RGS22: variants seen among roughly 807,000 people sequenced by gnomAD.
The protein encoded by RGS22 is regulator of G protein signaling 22.
A neutral mutation model predicts 172.9 loss-of-function variants in RGS22; 148 were observed. The observed-to-expected ratio is 0.86, with a 90% CI of 0.75 to 0.98. The LOEUF (loss-of-function observed/expected upper bound fraction) is 0.98. Among genes scored for constraint, RGS22 ranks in the 50% least tolerant of loss-of-function variants. RGS22 has a pLI of 0.00. For synonymous variants in RGS22, 458 were observed against 480.2 expected (o/e 0.95, Z 0.60); for missense variants, 1,347 against 1,440.8 (o/e 0.93, Z 1.05).
At chr8:100,094,339 GACACAATGCTAT>G (rs1812803209) in intron 2 of RGS22, among the ~76,000 whole-genome samples, 1 of 108,794 alleles carries the variant, frequency 9.2e-6, no homozygotes, top group East Asian at 2.7e-4. Flanking sequence ...TTCACAATAT[GACACAATGCTAT>G]TATTTCCATA....
intron 9 of RGS22, among the ~76,000 whole-genome samples, chr8:100,053,471 A>C (rs1425728685): frequency 1.8e-5 from 2 of 111,930 alleles, no homozygotes; most frequent in South Asian, 3.2e-4. Flanking sequence ...AGAGGGAGGG[A>C]GGGAGGGAGG....
chr8:100,025,244 T>C (rs967088344), intron 14 of RGS22, among the ~76,000 whole-genome samples: 2 of 152,192 alleles, frequency 1.3e-5, no homozygotes, highest in Non-Finnish European at 2.9e-5. Flanking sequence ...ACCCTGCTGA[T>C]TCTGTGCTCA....
chr8:99,992,773 A>ATATC (rs1478843666), intron 20 of RGS22, among the ~76,000 whole-genome samples: 3 of 152,216 alleles, frequency 2.0e-5, no homozygotes, highest in African/African-American at 7.2e-5. Flanking sequence ...GACCTAATAG[A>ATATC]TATCTACAGA....
intron 23 of RGS22, among the ~76,000 whole-genome samples, chr8:99,975,695 CTTAT>C (rs571338031): frequency 8.6e-5 from 13 of 150,768 alleles, no homozygotes; most frequent in South Asian, 8.4e-4. Flanking sequence ...TTATGATTCT[CTTAT>C]TTATTTATTT....
Position 100,019,102 on chromosome 8 carries a change from T to C in RGS22, c.2167-10533A>G, listed in dbSNP as rs181010553. Among the ~76,000 whole-genome samples the C allele has an allele frequency of 3.9e-5, 6 of 152,346 alleles. No homozygotes were observed. The East Asian group carries it at 9.6e-4, about 24-fold the overall frequency. On this transcript the variant is annotated intron_variant, in intron 14 of 27. Coordinates refer to ENST00000360863, the MANE Select transcript of RGS22 (RefSeq NM_015668.5). Reference sequence around the variant, plus strand: ...GGATTAGATTCCAATTAGCATACTGTAGAAGCACCCAGCAAAGTATTCTCA... The same window carrying C: ...GGATTAGATTCCAATTAGCATACTGCAGAAGCACCCAGCAAAGTATTCTCA...
intron 21 of RGS22, among the ~76,000 whole-genome samples, chr8:99,984,476 G>T (rs552280031): frequency 6.6e-6 from 1 of 152,000 alleles, no homozygotes; most frequent in South Asian, 2.1e-4. Flanking sequence ...TGTGCCATTA[G>T]CTTAGTTAAC....
chr8:100,046,790 A>C (rs1394101299), intron 11 of RGS22, among the ~76,000 whole-genome samples: 1 of 151,738 alleles, frequency 6.6e-6, no homozygotes, highest in African/African-American at 2.4e-5. Flanking sequence ...AGTCAAAGAC[A>C]CTGGTAAACC....
intron 4 of RGS22, among the ~76,000 whole-genome samples, chr8:100,074,960 C>A (rs755950103): frequency 6.6e-6 from 1 of 151,862 alleles, no homozygotes; most frequent in East Asian, 1.9e-4. Context: ...TTGGTAGAGA[C>A]GGAGTTTCAC....
Position 100,008,417 on chromosome 8 carries a change from T to C in RGS22, c.2319A>G (p.Pro773=). Reference sequence around the variant, plus strand: ...GGTCCGATTTTACCATCTTTGTCCATGGCTCAAGAAGGAGGAGAAGGATAT... The same window carrying C: ...GGTCCGATTTTACCATCTTTGTCCACGGCTCAAGAAGGAGGAGAAGGATAT... ...EEYILLLLLE[P]WTKMVKSDQI... The change falls in exon 15 of 28, where the codon CCA becomes CCG. Residue 773 remains proline (P), a synonymous_variant. Coordinates refer to ENST00000360863, the MANE Select transcript of RGS22 (RefSeq NM_015668.5). 1 of 1,612,476 alleles carries C rather than the reference T, an allele frequency of 6.2e-7. No homozygotes were observed. The highest frequency in any genetic ancestry group is 8.5e-7 in the Non-Finnish European group (1 of 1,179,722).
At chr8:100,041,774 A>G (rs1820154305) in intron 12 of RGS22, 28 bp downstream of exon 12, 2 of 1,153,350 alleles carry the variant, frequency 1.7e-6, no homozygotes, top group Non-Finnish European at 2.6e-6. Flanking sequence ...ATGAAGAATC[A>G]GGTTTATTCA....
rs575739372 is a variant in RGS22, at chr8:99,987,388, T to C, written c.3180+70A>G. On this transcript the variant is annotated intron_variant, in intron 21 of 27. Coordinates refer to ENST00000360863, the MANE Select transcript of RGS22 (RefSeq NM_015668.5). Reference sequence around the variant, plus strand: ...ATACAAATCTTGTGCATAAAGTTAGTTAAAAATCTGACATTTTAATGCATT... The same window carrying C: ...ATACAAATCTTGTGCATAAAGTTAGCTAAAAATCTGACATTTTAATGCATT... 99 of 1,226,610 alleles carry C rather than the reference T, an allele frequency of 8.1e-5. No homozygotes were observed. The East Asian group carries it at 2.2e-3, about 27-fold the overall frequency. 76.0% of individuals were successfully genotyped at this position (1,226,610 alleles called of 1,614,324 possible).
At chr8:99,983,447 T>C (rs1170783204) in intron 21 of RGS22, among the ~76,000 whole-genome samples, 2 of 152,156 alleles carry the variant, frequency 1.3e-5, no homozygotes, top group African/African-American at 4.8e-5. Context: ...CCCTTTTCTC[T>C]GCAGCCTCAC....
In RGS22 at chr8:100,047,511, C is replaced by T. The variant is rs368946577; in HGVS notation, c.1775G>A (p.Arg592Gln). The T allele has an allele frequency of 2.3e-5, 37 of 1,612,316 alleles. No homozygotes were observed. The African/African-American group carries it at 3.5e-4, about 15-fold the overall frequency. Reference sequence around the variant, plus strand: ...AGAAGAACCTGGATACAAAAGCTCCCGCTTCCAAGGCTTTTGAGTTGCTGT... The same window carrying T: ...AGAAGAACCTGGATACAAAAGCTCCTGCTTCCAAGGCTTTTGAGTTGCTGT... ...VKTATQKPWKRELLYPGSSKD... is the reference protein window; with the variant it reads ...VKTATQKPWKQELLYPGSSKD... Residue 592 changes from arginine (R) to glutamine (Q), a missense_variant, in exon 11 of 28, where the codon CGG becomes CAG. Transcript: ENST00000360863.
chr8:100,052,800 A>G lies in RGS22; in HGVS notation c.1689+2T>C. The G allele has an allele frequency of 6.2e-7, 1 of 1,613,536 alleles. No homozygotes were observed. Among genetic ancestry groups the G allele is most frequent in the Non-Finnish European group, 8.5e-7 (1 of 1,179,558 alleles). ...AGATCACAGCATGAATGTACACCCT[A>G]CCTGGATCTCAGGTATCTGTGGAAT... On this transcript the variant is annotated splice_donor_variant, in intron 10 of 27. Transcript: ENST00000360863. LOFTEE classifies it high-confidence loss of function.
chr8:100,064,122 A>G, intron 7 of RGS22, 79 bp from the exon 8 acceptor site: 1 of 1,109,492 alleles, frequency 9.0e-7, no homozygotes, highest in East Asian at 2.5e-5. Context: ...CTATAGAGCC[A>G]GAATGGCAAA....
At chr8:99,982,175 G>A in intron 21 of RGS22, 59 bp from the exon 22 acceptor site, 1 of 1,292,226 alleles carries the variant, frequency 7.7e-7, no homozygotes, top group Non-Finnish European at 1.1e-6. Context: ...ACACTTAATA[G>A]AACTGTATCA....
intron 14 of RGS22, among the ~76,000 whole-genome samples, chr8:100,018,212 CAAAAAAA>C (rs68011450): frequency 7.4e-6 from 1 of 134,902 alleles, no homozygotes; most frequent in South Asian, 2.3e-4. Context: ...GCATCTGTAT[CAAAAAAA>C]AAAAAAAAAA....
chr8:100,048,315 A>T (rs1563665284), intron 10 of RGS22, among the ~76,000 whole-genome samples: 1 of 152,196 alleles, frequency 6.6e-6, no homozygotes. Flanking sequence ...ACAAAAGTCT[A>T]AGTACAGTAA....
chr8:100,105,503 C>G, intron 1 of RGS22, 101 bp from the exon 2 acceptor site: 2 of 948,380 alleles, frequency 2.1e-6, no homozygotes, highest in Non-Finnish European at 3.4e-6. Flanking sequence ...TATACACAGG[C>G]AAACGTAGCA....
Sources: allele counts gnomAD v4.1 joint callset (sites outside exome capture counted in the v4.1 genomes callset), GRCh38; gene constraint gnomAD v4.1.1; transcripts MANE v1.5; gene names NCBI Gene and HGNC (gene_info 2026-07-23, HGNC 2026-07-21).